FRMD4B: variants seen among roughly 807,000 people sequenced by gnomAD.
FRMD4B encodes FERM domain containing 4B, also known as FERM domain-containing protein 4B.
A neutral mutation model predicts 141.5 loss-of-function variants in FRMD4B; 74 were observed. The observed-to-expected ratio is 0.52, with a 90% CI of 0.43 to 0.63. The LOEUF (loss-of-function observed/expected upper bound fraction) is 0.63, where lower values mean the gene tolerates loss of function less well. FRMD4B is among the 30% of genes least tolerant of loss of function. FRMD4B has a pLI of 0.00. For synonymous variants in FRMD4B, 506 were observed against 467.9 expected (o/e 1.08, Z -1.05); for missense variants, 1,366 against 1,253.4 (o/e 1.09, Z -1.36).
At chr3:69,326,543 A>G (rs985422477) in intron 1 of FRMD4B, among the ~76,000 whole-genome samples, 1 of 152,210 alleles carries the variant, frequency 6.6e-6, no homozygotes, top group Non-Finnish European at 1.5e-5. Context: ...GGCTTTGCCT[A>G]TGCCATCTGC....
chr3:69,189,222 C>CAAAAAAAAAA (rs71115659), intron 18 of FRMD4B, among the ~76,000 whole-genome samples: 1 of 39,772 alleles, frequency 2.5e-5, no homozygotes, highest in Non-Finnish European at 4.6e-5. Context: ...AACTCCATCT[C>CAAAAAAAAAA]AAAAAAAAAA....
At chr3:69,446,230 G>C (rs1425092929) in intron 1 of FRMD4B, among the ~76,000 whole-genome samples, 1 of 152,044 alleles carries the variant, frequency 6.6e-6, no homozygotes, top group Admixed American at 6.6e-5. Flanking sequence ...GTTTCCTCAT[G>C]TTGGTTAAGC....
rs1210166615 is a variant in FRMD4B, at chr3:69,181,113, A to T, written c.2637T>A (p.Ala879=). Residue 879 remains alanine (A), a synonymous_variant, in exon 21 of 23, where the codon GCT becomes GCA. Transcript: ENST00000398540. ...PYATLRLPRK[A]AAKSEHITKN... ...TGGTGATGTGCTCCGATTTTGCAGC[A>T]GCCTTCCTTGGCAGCCGGAGAGTTG... 3.7e-6 allele frequency: 6 copies of T among 1,613,994 alleles called. No homozygotes were observed. In the Admixed American group the frequency reaches 1.0e-4, roughly 27 times the overall value.
intron 5 of FRMD4B, among the ~76,000 whole-genome samples, chr3:69,265,268 AAATATATAT>A (rs1299255361): frequency 1.0e-4 from 3 of 28,870 alleles, no homozygotes; most frequent in African/African-American, 2.8e-4. Flanking sequence ...AAAAAAAAAA[AAATATATAT>A]ATATATATAT....
chr3:69,512,136 A>G (rs1277758159), intron 1 of FRMD4B, among the ~76,000 whole-genome samples: 2 of 152,204 alleles, frequency 1.3e-5, no homozygotes, highest in Non-Finnish European at 2.9e-5. Context: ...AGAGGTAAGC[A>G]AGGACCAGAT....
intron 2 of FRMD4B, among the ~76,000 whole-genome samples, chr3:69,399,308 G>A (rs1234635618): frequency 2.6e-5 from 4 of 152,310 alleles, no homozygotes; most frequent in South Asian, 2.1e-4. Context: ...TGAGAAATCT[G>A]AGAATGGGTG....
At chr3:69,264,087 T>C (rs1397477519) in intron 5 of FRMD4B, among the ~76,000 whole-genome samples, 1 of 152,140 alleles carries the variant, frequency 6.6e-6, no homozygotes, top group Non-Finnish European at 1.5e-5. Context: ...CCTCTCAAAG[T>C]GTCAACCCCA....
At chr3:69,475,240 T>C (rs1469437147) in intron 1 of FRMD4B, among the ~76,000 whole-genome samples, 1 of 152,118 alleles carries the variant, frequency 6.6e-6, no homozygotes, top group Non-Finnish European at 1.5e-5. Context: ...AGTTTTAGGG[T>C]ACATGTGCGA....
At chr3:69,367,439 C>A (rs1703698482) in intron 1 of FRMD4B, among the ~76,000 whole-genome samples, 1 of 152,176 alleles carries the variant, frequency 6.6e-6, no homozygotes, top group East Asian at 1.9e-4. Context: ...ATATCCATAA[C>A]AATACACATA....
intron 1 of FRMD4B, among the ~76,000 whole-genome samples, chr3:69,325,276 A>C (rs972309873): frequency 6.6e-6 from 1 of 152,190 alleles, no homozygotes; most frequent in African/African-American, 2.4e-5. Context: ...AGTAAACAAG[A>C]AAGGCTGGCC....
chr3:69,300,524 A>G (rs948838262), intron 4 of FRMD4B, among the ~76,000 whole-genome samples: 5 of 152,166 alleles, frequency 3.3e-5, no homozygotes, highest in East Asian at 1.9e-4. Context: ...AAAGGGAGAT[A>G]GGGTTTACTC....
chr3:69,455,977 C>G (rs772171237), intron 1 of FRMD4B, among the ~76,000 whole-genome samples: 20 of 152,100 alleles, frequency 1.3e-4, no homozygotes, highest in Non-Finnish European at 2.2e-4. Flanking sequence ...GCCATCAGTT[C>G]CATTTTGCTT....
chr3:69,400,334 A>G (rs933285482), intron 2 of FRMD4B, among the ~76,000 whole-genome samples: 1 of 151,990 alleles, frequency 6.6e-6, no homozygotes, highest in Admixed American at 6.6e-5. Context: ...ATGAGCTATG[A>G]TCACTCCACT....
intron 5 of FRMD4B, among the ~76,000 whole-genome samples, chr3:69,276,260 G>A (rs1223525302): frequency 2.0e-5 from 3 of 152,144 alleles, no homozygotes; most frequent in Non-Finnish European, 4.4e-5. Flanking sequence ...GTAGAGTCCT[G>A]GATGACAAGA....
At chr3:69,432,281 G>T (rs908567628) in intron 2 of FRMD4B, among the ~76,000 whole-genome samples, 1 of 152,150 alleles carries the variant, frequency 6.6e-6, no homozygotes, top group Admixed American at 6.5e-5. Context: ...TTATAAATGC[G>T]TGTATAAATA....
intron 5 of FRMD4B, among the ~76,000 whole-genome samples, chr3:69,284,835 T>C (rs1700615918): frequency 6.6e-6 from 1 of 152,114 alleles, no homozygotes; most frequent in South Asian, 2.1e-4. Flanking sequence ...ACATGCAAGA[T>C]GTAAAAAGGA....
intron 1 of FRMD4B, among the ~76,000 whole-genome samples, chr3:69,347,307 T>C (rs1702980771): frequency 6.6e-6 from 1 of 152,140 alleles, no homozygotes; most frequent in African/African-American, 2.4e-5. Context: ...ATGCACCCAA[T>C]ACAGGAGCAC....
rs9835739 is a variant in FRMD4B, at chr3:69,473,460, A to C, written c.-128-40699T>G. Reference sequence around the variant, plus strand: ...CAGCACGTATCTGAATCTCCATCTCACTCCTCATTCTGAACTTGGAGATTT... The same window carrying C: ...CAGCACGTATCTGAATCTCCATCTCCCTCCTCATTCTGAACTTGGAGATTT... On this transcript the variant is annotated intron_variant, in intron 1 of 5. Transcript: ENST00000459638. Among the ~76,000 whole-genome samples the C allele has an allele frequency of 7.2e-3, 1,091 of 151,780 alleles. 14 individuals carry two copies. Among genetic ancestry groups the C allele is most frequent in the African/African-American group, 0.025 (1,024 of 41,372 alleles).
At position 69,385,909 on chromosome 3, in the gene FRMD4B, C is replaced by T. The variant is rs377080616; in HGVS notation, c.81G>A (p.Thr27=). The change falls in exon 1 of 23, where the codon ACG becomes ACA. Residue 27 remains threonine (T), a synonymous_variant. Coordinates refer to ENST00000398540, the MANE Select transcript of FRMD4B (RefSeq NM_015123.3). ...SRFVWNLTVS[T]LRRWYTERLR... ...GCCTCTCCGTGTACCATCTCCGCAG[C>T]GTGGACACGGTCAAGTTCCATACGA... The T allele has an allele frequency of 6.5e-5, 105 of 1,604,634 alleles. 1 individual carries two copies. The Middle Eastern group carries it at 1.5e-3, about 23-fold the overall frequency.
Sources: gnomAD v4.1 joint callset for allele counts (sites outside exome capture counted in the v4.1 genomes callset) on GRCh38, gnomAD v4.1.1 for gene constraint, MANE v1.5 for transcripts, NCBI Gene and HGNC (gene_info 2026-07-23, HGNC 2026-07-21) for gene names.